TMEM132B: variants seen among roughly 807,000 people sequenced by gnomAD.
TMEM132B encodes transmembrane protein 132B.
Under a neutral mutation model 90.8 loss-of-function variants are expected in TMEM132B, and 18 were observed. The observed-to-expected ratio is 0.20, with a 90% CI of 0.14 to 0.29. The LOEUF (loss-of-function observed/expected upper bound fraction) is 0.29, where lower values mean the gene tolerates loss of function less well. Among genes scored for constraint, TMEM132B ranks in the 10% least tolerant of loss-of-function variants. The probability of loss-of-function intolerance (pLI) is 1.00; values close to 1 mark genes in which losing one functional copy is unlikely to be tolerated. For missense variants in TMEM132B, 1,096 were observed against 1,326.8 expected (o/e 0.83, Z 2.70); for synonymous variants, 504 against 523.3 (o/e 0.96, Z 0.50).
At chr12:125,232,056 A>G (rs1873838684) in intron 1 of TMEM132B, among the ~76,000 whole-genome samples, 1 of 152,206 alleles carries the variant, frequency 6.6e-6, no homozygotes, top group Non-Finnish European at 1.5e-5. Context: ...AATAGTTTAT[A>G]TTCTAGAACT....
chr12:125,545,100 A>C (rs1352422656), intron 4 of TMEM132B, among the ~76,000 whole-genome samples: 3 of 152,194 alleles, frequency 2.0e-5, no homozygotes, highest in Non-Finnish European at 4.4e-5. Context: ...AACCATAATC[A>C]CAAGGGGAGG....
In TMEM132B at chr12:125,274,195, C is replaced by T. The variant is rs529602001; in HGVS notation, c.68-75257C>T. On this transcript the variant is annotated intron_variant, in intron 1 of 8. Transcript: ENST00000682704. ...CACTAAACATTGCATTTGGGAGACT[C>T]TTTCACATTGAAATGTGTCGCAGTG... Among the ~76,000 whole-genome samples the T allele has an allele frequency of 5.3e-4, 81 of 152,282 alleles. 1 individual carries two copies. In the South Asian group the frequency reaches 0.012, roughly 22 times the overall value.
chr12:125,337,137 A>ATC (rs1876989908), intron 1 of TMEM132B, among the ~76,000 whole-genome samples: 1 of 152,132 alleles, frequency 6.6e-6, no homozygotes, highest in Non-Finnish European at 1.5e-5. Flanking sequence ...GAGTGTCTTT[A>ATC]TCTCCTCCTT....
chr12:125,415,030 T>C lies in TMEM132B; in HGVS notation c.960-501T>C, dbSNP rs1879969711. On this transcript the variant is annotated intron_variant, in intron 2 of 8. Transcript: ENST00000682704. This position sits in a 1 kb window ranked among gnomAD's most constrained non-coding sequence, Gnocchi z 5.3. The stretch of plus-strand genomic sequence containing the variant: ...TCCTGCCTGAATGCCACATTTGTTC[T>C]TCAAACACCTGAGGACTGGGTGCTC... Among the ~76,000 whole-genome samples the C allele has an allele frequency of 6.6e-6, 1 of 152,184 alleles. No homozygotes were observed. The highest frequency in any genetic ancestry group is 6.5e-5 in the Admixed American group (1 of 15,280).
chr12:125,303,782 C>G (rs1302884815), intron 1 of TMEM132B, among the ~76,000 whole-genome samples: 2 of 152,270 alleles, frequency 1.3e-5, no homozygotes, highest in Non-Finnish European at 2.9e-5. Flanking sequence ...TGTATATCTT[C>G]TGTGGAGAAA....
At chr12:125,465,125 A>G (rs1213981196) in intron 3 of TMEM132B, among the ~76,000 whole-genome samples, 1 of 152,236 alleles carries the variant, frequency 6.6e-6, no homozygotes, top group Non-Finnish European at 1.5e-5. Context: ...TTAATCCCTC[A>G]AAATCCTAGC....
chr12:125,552,345 A>G (rs1313374537), intron 4 of TMEM132B, among the ~76,000 whole-genome samples: 2 of 152,156 alleles, frequency 1.3e-5, no homozygotes, highest in Non-Finnish European at 2.9e-5. Context: ...GGTCTCCACC[A>G]GTGGCCACAC....
intron 1 of TMEM132B, among the ~76,000 whole-genome samples, chr12:125,312,002 G>C (rs1035654418): frequency 1.6e-4 from 24 of 152,226 alleles, no homozygotes; most frequent in Non-Finnish European, 3.4e-4. Context: ...TCTCTCCAGT[G>C]CAGTAATAGG....
intron 3 of TMEM132B, among the ~76,000 whole-genome samples, chr12:125,494,307 G>A (rs1882456095): frequency 8.8e-6 from 1 of 114,128 alleles, no homozygotes; most frequent in African/African-American, 3.5e-5. Context: ...CCTGGAAATG[G>A]CCACGCCCCT....
At chr12:125,603,497 C>T (rs900569451) in intron 5 of TMEM132B, among the ~76,000 whole-genome samples, 1 of 152,058 alleles carries the variant, frequency 6.6e-6, no homozygotes, top group Non-Finnish European at 1.5e-5. Context: ...CCATAAAAAC[C>T]CCACAAGAAA....
intron 3 of TMEM132B, among the ~76,000 whole-genome samples, chr12:125,474,274 C>G (rs1395929093): frequency 7.9e-6 from 1 of 127,200 alleles, no homozygotes; most frequent in Non-Finnish European, 1.6e-5. Context: ...TCCCCTCCCT[C>G]CCCTCCCCTC....
chr12:125,267,841 A>AT (rs1444922129), intron 1 of TMEM132B, among the ~76,000 whole-genome samples: 1 of 152,050 alleles, frequency 6.6e-6, no homozygotes, highest in Non-Finnish European at 1.5e-5. Flanking sequence ...AAGTGTCTTG[A>AT]TTTTTTCAAT....
chr12:125,563,146 CGTAATA>C (rs1307363164), intron 4 of TMEM132B, among the ~76,000 whole-genome samples: 1,017 of 92,540 alleles, frequency 0.011, 6 homozygotes, highest in African/African-American at 0.022. Context: ...CACCATAATG[CGTAATA>C]ATAATAATAA....
chr12:125,529,684 T>G (rs1336378451), intron 4 of TMEM132B, among the ~76,000 whole-genome samples: 1 of 152,238 alleles, frequency 6.6e-6, no homozygotes, highest in Non-Finnish European at 1.5e-5. Flanking sequence ...GTCCCAGCTT[T>G]GGGAAGCCAT....
chr12:125,222,232 G>C (rs1029130595), intron 1 of TMEM132B, among the ~76,000 whole-genome samples: 4 of 152,180 alleles, frequency 2.6e-5, no homozygotes, highest in African/African-American at 9.7e-5. Flanking sequence ...TATAGTTTAA[G>C]CTATGTGTTT....
intron 2 of TMEM132B, among the ~76,000 whole-genome samples, chr12:125,413,380 C>T (rs1879912349): frequency 6.6e-6 from 1 of 151,732 alleles, no homozygotes; most frequent in Non-Finnish European, 1.5e-5. Flanking sequence ...AGCCATTTCA[C>T]TGGCAATTAG....
chr12:125,452,420 T>C (rs1881177866), intron 3 of TMEM132B, among the ~76,000 whole-genome samples: 1 of 152,232 alleles, frequency 6.6e-6, no homozygotes, highest in Non-Finnish European at 1.5e-5. Context: ...AAATTTGTAC[T>C]GTTTCTAATA....
chr12:125,324,634 G>C (rs1039757698), intron 1 of TMEM132B, among the ~76,000 whole-genome samples: 4 of 152,274 alleles, frequency 2.6e-5, no homozygotes, highest in Admixed American at 1.3e-4. Context: ...CCTCATAGGA[G>C]CCCAAACCCT....
chr12:125,317,388 T>A (rs777433851), intron 1 of TMEM132B, among the ~76,000 whole-genome samples: 1 of 152,096 alleles, frequency 6.6e-6, no homozygotes, highest in Non-Finnish European at 1.5e-5. Context: ...TCAGTCTCTG[T>A]TGTTAAAGAT....
Sources: allele counts gnomAD v4.1 joint callset (sites outside exome capture counted in the v4.1 genomes callset), GRCh38; gene constraint gnomAD v4.1.1; non-coding constraint Gnocchi (gnomAD v3.1); transcripts MANE v1.5; gene names NCBI Gene and HGNC (gene_info 2026-07-23, HGNC 2026-07-21).